The following GRIN2A variants were observed in gnomAD, a reference collection of about 807,000 sequenced individuals.
GRIN2A encodes the protein glutamate receptor ionotropic, NMDA 2A.
Under a neutral mutation model 113.4 loss-of-function variants are expected in GRIN2A, and 22 were observed. The ratio of observed to expected loss-of-function variants is 0.19; its 90% CI spans 0.14 to 0.28. The LOEUF (loss-of-function observed/expected upper bound fraction) is 0.28. Ranked by LOEUF, GRIN2A falls within the 10% of genes least tolerant of loss-of-function variation. GRIN2A has a pLI of 1.00. For synonymous variants in GRIN2A, 827 were observed against 738.4 expected, an observed-to-expected ratio of 1.12 and a Z score of -1.94; for missense variants, 1,502 against 1,887.0, an observed-to-expected ratio of 0.80 and a Z score of 3.78.
chr16:9,867,011 A>G (rs534155966), intron 4 of GRIN2A, among the ~76,000 whole-genome samples: 8 of 152,236 alleles, frequency 5.3e-5, no homozygotes, highest in South Asian at 4.2e-4. Context: ...TCTTCTCTCA[A>G]TTAGTCTATT....
At chr16:9,778,076 A>T (rs2267781) in intron 11 of GRIN2A, among the ~76,000 whole-genome samples, 5 of 151,942 alleles carry the variant, frequency 3.3e-5, no homozygotes, top group African/African-American at 1.2e-4. Context: ...AAACAACAAC[A>T]ACAAAAAACC....
rs113593063 is a variant in GRIN2A, at chr16:10,041,797, G to A, written c.415-103246C>T. Among the ~76,000 whole-genome samples, 1,075 of 152,268 alleles carry A rather than the reference G, an allele frequency of 7.1e-3. 6 individuals carry two copies. The highest frequency in any genetic ancestry group is 0.025 in the African/African-American group (1,039 of 41,534). ...GTGTATAAATCCAACCTACTCCGCT[G>A]AGCTCAGTTCAAAGCCCACCTTCTC... On this transcript the variant is annotated intron_variant, in intron 2 of 12. Transcript: ENST00000330684.
chr16:10,151,265 C>A (rs1012792412), intron 2 of GRIN2A, among the ~76,000 whole-genome samples: 2 of 152,148 alleles, frequency 1.3e-5, no homozygotes, highest in South Asian at 4.1e-4. Flanking sequence ...GTCCCCTCAA[C>A]CTCTCAAGTT....
intron 2 of GRIN2A, among the ~76,000 whole-genome samples, chr16:10,163,246 T>C (rs2049841163): frequency 6.6e-6 from 1 of 152,120 alleles, no homozygotes; most frequent in Non-Finnish European, 1.5e-5. Flanking sequence ...AGGCTTATGA[T>C]AGACAGCTAG....
Position 9,761,716 on chromosome 16 carries a change from TAA to T in GRIN2A, c.*1431_*1432del. ...AGTATTCCCCTCTCTGTCTCTAACTTAAAAAAAAAATGGATATCATTTCATGT... is the reference window on the plus strand; with the variant it reads ...AGTATTCCCCTCTCTGTCTCTAACTTAAAAAAAATGGATATCATTTCATGT... On this transcript the variant is annotated 3_prime_UTR_variant, in exon 13 of 13. Coordinates refer to ENST00000330684, the MANE Select transcript of GRIN2A (RefSeq NM_001134407.3). The T allele has an allele frequency of 4.7e-6, 1 of 212,466 alleles. No homozygotes were observed. 13.2% of individuals were successfully genotyped at this position (212,466 alleles called of 1,614,324 possible). A position where few individuals can be genotyped will look rare whatever the true frequency, so the allele number is the denominator to read the frequency against.
intron 2 of GRIN2A, among the ~76,000 whole-genome samples, chr16:10,116,346 T>C (rs563914480): frequency 3.3e-5 from 5 of 152,278 alleles, no homozygotes; most frequent in Non-Finnish European, 7.4e-5. Context: ...TCAGGATAAA[T>C]AGCTAATGCA....
At position 9,756,505 on chromosome 16, in the gene GRIN2A, A is replaced by G. The variant is rs1900354464; in HGVS notation, c.*6644T>C. 4.5e-6 allele frequency: 1 copy of G among 222,396 alleles called. No individual in the cohort carries two copies. The highest frequency in any genetic ancestry group is 9.0e-6 in the Non-Finnish European group (1 of 111,162). 13.8% of individuals were successfully genotyped at this position (222,396 alleles called of 1,614,324 possible). ...GAGCACACCTCTCTTTCTGACTTCT[A>G]TTCTGACCTCCCTGGAGGAGACCAG... On this transcript the variant is annotated 3_prime_UTR_variant, in exon 13 of 13. Coordinates refer to ENST00000330684, the MANE Select transcript of GRIN2A (RefSeq NM_001134407.3).
intron 2 of GRIN2A, among the ~76,000 whole-genome samples, chr16:10,087,043 C>T (rs1310263555): frequency 6.6e-6 from 1 of 152,172 alleles, no homozygotes; most frequent in Non-Finnish European, 1.5e-5. Flanking sequence ...AGGAGAAGCT[C>T]CTGCTATAAC....
chr16:10,081,149 C>A (rs7197911), intron 2 of GRIN2A, among the ~76,000 whole-genome samples: 1 of 152,156 alleles, frequency 6.6e-6, no homozygotes, highest in African/African-American at 2.4e-5. Flanking sequence ...GAGGCTCTTA[C>A]ATGCTTCGTC....
intron 2 of GRIN2A, among the ~76,000 whole-genome samples, chr16:10,038,287 A>T (rs924912660): frequency 2.0e-5 from 3 of 151,928 alleles, no homozygotes; most frequent in Non-Finnish European, 1.5e-5. Flanking sequence ...GCTCCACCCC[A>T]CCTCAGCCTA....
intron 9 of GRIN2A, among the ~76,000 whole-genome samples, chr16:9,826,403 T>A (rs981755745): frequency 1.3e-5 from 2 of 152,216 alleles, no homozygotes; most frequent in Non-Finnish European, 2.9e-5. Flanking sequence ...CACCTATTTA[T>A]AATTTAAGTC....
chr16:9,770,529 G>C (rs1797218681), intron 11 of GRIN2A, among the ~76,000 whole-genome samples: 3 of 152,178 alleles, frequency 2.0e-5, no homozygotes, highest in South Asian at 2.1e-4. Context: ...CTGGATGGCA[G>C]TTGTTGAAAA....
At chr16:9,792,609 G>A (rs1161144777) in intron 11 of GRIN2A, among the ~76,000 whole-genome samples, 1 of 151,956 alleles carries the variant, frequency 6.6e-6, no homozygotes. Context: ...TATGATATAG[G>A]TGCAATTGAA....
chr16:10,000,539 A>T (rs2046301572), intron 2 of GRIN2A, among the ~76,000 whole-genome samples: 1 of 152,016 alleles, frequency 6.6e-6, no homozygotes, highest in African/African-American at 2.4e-5. Flanking sequence ...GTTCTAAAGC[A>T]CTATTAATAG....
intron 2 of GRIN2A, among the ~76,000 whole-genome samples, chr16:9,944,872 T>TTTCA (rs1259649716): frequency 6.6e-6 from 1 of 152,202 alleles, no homozygotes; most frequent in Non-Finnish European, 1.5e-5. Context: ...GTGGATTGTC[T>TTTCA]TTCATTCATT....
chr16:10,103,456 C>T (rs561826856), intron 2 of GRIN2A, among the ~76,000 whole-genome samples: 62 of 152,328 alleles, frequency 4.1e-4, no homozygotes, highest in African/African-American at 1.5e-3. Context: ...AGAATCTCAG[C>T]CACATATAAC....
intron 5 of GRIN2A, 78 bp from the exon 6 acceptor site, chr16:9,841,182 T>G: frequency 8.1e-7 from 1 of 1,238,858 alleles, no homozygotes. Flanking sequence ...ACTCTTCTCC[T>G]ATTTTTCAGA....
intron 3 of GRIN2A, among the ~76,000 whole-genome samples, chr16:9,896,321 T>C (rs1164017404): frequency 6.6e-6 from 1 of 152,188 alleles, no homozygotes; most frequent in African/African-American, 2.4e-5. Context: ...AGTGCTGGGA[T>C]TACAGGCGTG....
At position 9,789,352 on chromosome 16, in the gene GRIN2A, A is replaced by AG. The variant is rs1018104328; in HGVS notation, c.2356+8924dup. On this transcript the variant is annotated intron_variant, in intron 11 of 12. Transcript: ENST00000330684. ...ATGGTACTAATTTCTGGGCCCCTGAAGGTACAGTCCCTCTCTCCCAGGTTC... is the reference window on the plus strand; with the variant it reads ...ATGGTACTAATTTCTGGGCCCCTGAAGGGTACAGTCCCTCTCTCCCAGGTTC... Among the ~76,000 whole-genome samples the AG allele has an allele frequency of 6.5e-4, 99 of 152,294 alleles. 1 individual carries two copies. Among genetic ancestry groups the AG allele is most frequent in the African/African-American group, 2.2e-3 (93 of 41,572 alleles).
Sources: gnomAD v4.1 joint callset for allele counts (sites outside exome capture counted in the v4.1 genomes callset) on GRCh38, gnomAD v4.1.1 for gene constraint, MANE v1.5 for transcripts, NCBI Gene and HGNC (gene_info 2026-07-23, HGNC 2026-07-21) for gene names.